Variants in CDH13 observed in about 807,000 individuals in gnomAD.
The protein encoded by CDH13 is cadherin 13, also known as cadherin-13.
In CDH13, 24 loss-of-function variants were observed where a neutral mutation model predicts 63.8. The ratio of observed to expected loss-of-function variants is 0.38; its 90% CI spans 0.27 to 0.53. CDH13 has a LOEUF of 0.53. Ranked by LOEUF, CDH13 falls within the 20% of genes least tolerant of loss-of-function variation. CDH13 has a pLI of 0.85. For synonymous variants in CDH13, 503 were observed against 355.3 expected (o/e 1.42, Z -4.67); for missense variants, 1,049 against 903.1 (o/e 1.16, Z -2.07).
chr16:83,385,587 C>T (rs764478456), intron 6 of CDH13, among the ~76,000 whole-genome samples: 5 of 152,276 alleles, frequency 3.3e-5, no homozygotes, highest in East Asian at 1.9e-4. Flanking sequence ...TACTCTAGAA[C>T]ATGGGGTCTC....
intron 2 of CDH13, among the ~76,000 whole-genome samples, chr16:82,943,574 CT>C (rs1425836220): frequency 1.3e-5 from 2 of 152,268 alleles, no homozygotes; most frequent in East Asian, 3.9e-4. Flanking sequence ...GATGAGTTGG[CT>C]TTTATTAGGC....
intron 3 of CDH13, among the ~76,000 whole-genome samples, chr16:83,050,214 T>G (rs376414170): frequency 8.6e-4 from 131 of 152,244 alleles, no homozygotes; most frequent in African/African-American, 2.9e-3. Flanking sequence ...TAACTCTAGT[T>G]ATAACTTGCT....
At chr16:82,730,371 A>T (rs1462704464) in intron 1 of CDH13, among the ~76,000 whole-genome samples, 1 of 152,124 alleles carries the variant, frequency 6.6e-6, no homozygotes, top group African/African-American at 2.4e-5. Context: ...GCCAAATTTC[A>T]TTATTATGTG....
chr16:83,461,839 G>C (rs1434229139), intron 6 of CDH13, among the ~76,000 whole-genome samples: 1 of 152,208 alleles, frequency 6.6e-6, no homozygotes, highest in Non-Finnish European at 1.5e-5. Context: ...GTTTCCAGAA[G>C]ATCGATTCTG....
At position 82,733,585 on chromosome 16, in the gene CDH13, C is replaced by A. The variant is rs185373163; in HGVS notation, c.45+106448C>A. 6.5e-3 allele frequency among the ~76,000 whole-genome samples: 982 copies of A among 152,244 alleles called. 11 individuals are homozygous for A. Among genetic ancestry groups the A allele is most frequent in the African/African-American group, 0.02 (815 of 41,556 alleles). ...CATCTTGATCCTATGAGACATTCAACATTCCATCTTCATCTTACAAATGAG... is the reference window on the plus strand; with the variant it reads ...CATCTTGATCCTATGAGACATTCAAAATTCCATCTTCATCTTACAAATGAG... On this transcript the variant is annotated intron_variant, in intron 1 of 13. Transcript: ENST00000567109.
intron 3 of CDH13, among the ~76,000 whole-genome samples, chr16:83,044,255 G>A (rs1361084296): frequency 6.6e-6 from 1 of 152,132 alleles, no homozygotes; most frequent in African/African-American, 2.4e-5. Flanking sequence ...AGTTGAGCTG[G>A]GCCTTCTGAT....
Position 82,818,068 on chromosome 16 carries a change from A to G in CDH13, c.46-40294A>G, listed in dbSNP as rs142313661. Among the ~76,000 whole-genome samples the G allele has an allele frequency of 3.2e-3, 493 of 151,874 alleles. 4 individuals carry two copies. Among genetic ancestry groups the G allele is most frequent in the African/African-American group, 0.012 (478 of 41,280 alleles). ...GCATACATACATGACTATACGCACA[A>G]TGCACACATGTTTATATATGAATGT... On this transcript the variant is annotated intron_variant, in intron 1 of 13. Coordinates refer to ENST00000567109, the MANE Select transcript of CDH13 (RefSeq NM_001257.5).
At chr16:82,878,902 C>A (rs375492356) in intron 2 of CDH13, among the ~76,000 whole-genome samples, 1 of 152,104 alleles carries the variant, frequency 6.6e-6, no homozygotes, top group Non-Finnish European at 1.5e-5. Flanking sequence ...AGCAGGCAGG[C>A]TTTTCAATGC....
chr16:83,696,600 C>A (rs900983203), intron 10 of CDH13, among the ~76,000 whole-genome samples: 2 of 152,166 alleles, frequency 1.3e-5, no homozygotes, highest in Non-Finnish European at 1.5e-5. Flanking sequence ...TATAAAGATG[C>A]AACATTTTAC....
At chr16:83,384,917 G>C (rs944618834) in intron 6 of CDH13, among the ~76,000 whole-genome samples, 1 of 152,148 alleles carries the variant, frequency 6.6e-6, no homozygotes, top group Admixed American at 6.6e-5. Context: ...AAAGTATTTT[G>C]TACATAGTAT....
chr16:82,742,225 C>T lies in CDH13; in HGVS notation c.45+115088C>T, dbSNP rs574321440. Among the ~76,000 whole-genome samples the T allele has an allele frequency of 2.9e-3, 441 of 152,158 alleles. 2 individuals carry two copies. The highest frequency in any genetic ancestry group is 4.9e-3 in the Non-Finnish European group (333 of 67,970). On this transcript the variant is annotated intron_variant, in intron 1 of 13. Coordinates refer to ENST00000567109, the MANE Select transcript of CDH13 (RefSeq NM_001257.5). ...GCTATTGTTAGTTACATCCCATGTACGCCAAAAACTGAATTTGAAAGAAAT... is the reference window on the plus strand; with the variant it reads ...GCTATTGTTAGTTACATCCCATGTATGCCAAAAACTGAATTTGAAAGAAAT...
At chr16:83,627,108 C>A (rs1323863976) in intron 8 of CDH13, among the ~76,000 whole-genome samples, 1 of 135,174 alleles carries the variant, frequency 7.4e-6, no homozygotes, top group South Asian at 2.6e-4. Flanking sequence ...TATGAGGAAA[C>A]CCCATCTCCA....
At chr16:82,999,054 A>G (rs995660388) in intron 2 of CDH13, among the ~76,000 whole-genome samples, 6 of 152,146 alleles carry the variant, frequency 3.9e-5, no homozygotes, top group African/African-American at 1.4e-4. Flanking sequence ...ACGTTCCATC[A>G]GCAGAAACTT....
intron 3 of CDH13, among the ~76,000 whole-genome samples, chr16:83,055,433 C>G (rs1181367041): frequency 6.6e-6 from 1 of 150,810 alleles, no homozygotes. Context: ...GGAGACAGCA[C>G]TAGAGATCTT....
intron 3 of CDH13, among the ~76,000 whole-genome samples, chr16:83,078,090 A>G (rs1291675061): frequency 6.6e-6 from 1 of 152,204 alleles, no homozygotes; most frequent in African/African-American, 2.4e-5. Flanking sequence ...GAGTCAGCTC[A>G]AATAGGGATA....
intron 6 of CDH13, among the ~76,000 whole-genome samples, chr16:83,395,750 A>G (rs1009128986): frequency 6.6e-6 from 1 of 152,152 alleles, no homozygotes; most frequent in African/African-American, 2.4e-5. Flanking sequence ...CTGAATTCTA[A>G]TTAATTTCTT....
chr16:83,211,757 T>TC (rs5818429), intron 4 of CDH13, among the ~76,000 whole-genome samples: 85 of 147,076 alleles, frequency 5.8e-4, no homozygotes, highest in Middle Eastern at 3.6e-3. Context: ...GACGCCCACC[T>TC]CCCCCCCCCA....
chr16:82,765,829 A>G (rs1381498), intron 1 of CDH13, among the ~76,000 whole-genome samples: 133,082 of 152,102 alleles, frequency 0.87, 59,641 homozygotes, highest in East Asian at 1. Context: ...CAGGCCCTGT[A>G]AGTTCTTGGA....
intron 5 of CDH13, among the ~76,000 whole-genome samples, chr16:83,245,710 G>A (rs1239477550): frequency 6.6e-6 from 1 of 152,146 alleles, no homozygotes; most frequent in African/African-American, 2.4e-5. Context: ...GCATGTTAAA[G>A]ACTTAGTCAA....
Sources: allele counts gnomAD v4.1 joint callset (sites outside exome capture counted in the v4.1 genomes callset), GRCh38; gene constraint gnomAD v4.1.1; transcripts MANE v1.5; gene names NCBI Gene and HGNC (gene_info 2026-07-23, HGNC 2026-07-21).